Variants in BMPER observed in about 807,000 individuals in gnomAD.
The protein encoded by BMPER is BMP binding endothelial regulator.
BMPER carries 45 observed loss-of-function variants against 87.3 expected under a neutral mutation model. The ratio of observed to expected loss-of-function variants is 0.52; its 90% confidence interval spans 0.41 to 0.66. The LOEUF (loss-of-function observed/expected upper bound fraction) is 0.66, where lower values mean the gene tolerates loss of function less well. Ranked by LOEUF, BMPER falls within the 30% of genes least tolerant of loss-of-function variation. BMPER has a pLI of 0.00. For synonymous variants in BMPER, 326 were observed against 316.2 expected (o/e 1.03, Z -0.33); for missense variants, 784 against 867.5 (o/e 0.90, Z 1.21).
chr7:33,953,601 G>A (rs1375137830), intron 3 of BMPER, among the ~76,000 whole-genome samples: 1 of 152,148 alleles, frequency 6.6e-6, no homozygotes, highest in African/African-American at 2.4e-5. Context: ...AATCCCCAAT[G>A]AGTGAGGCCC....
At chr7:34,031,655 G>A (rs904670052) in intron 6 of BMPER, among the ~76,000 whole-genome samples, 1 of 151,778 alleles carries the variant, frequency 6.6e-6, no homozygotes, top group Admixed American at 6.6e-5. Flanking sequence ...CAAGGACAGT[G>A]AGGTGGGGAA....
intron 14 of BMPER, among the ~76,000 whole-genome samples, chr7:34,151,856 T>C (rs1396030765): frequency 6.6e-6 from 1 of 152,250 alleles, no homozygotes; most frequent in Admixed American, 6.5e-5. Flanking sequence ...ACTTGGTTTT[T>C]GAATAGTAAG....
At chr7:34,003,519 A>G (rs1402354753) in intron 6 of BMPER, among the ~76,000 whole-genome samples, 2 of 152,030 alleles carry the variant, frequency 1.3e-5, no homozygotes, top group Non-Finnish European at 2.9e-5. Flanking sequence ...ATATTTACCT[A>G]TGTAGTCACC....
chr7:34,078,027 C>T (rs568054286), intron 11 of BMPER, among the ~76,000 whole-genome samples: 10 of 152,066 alleles, frequency 6.6e-5, no homozygotes, highest in South Asian at 6.2e-4. Context: ...AACAAACCAA[C>T]GCCAAGATTT....
chr7:33,995,084 T>C (rs1006185371), intron 6 of BMPER, among the ~76,000 whole-genome samples: 14 of 152,208 alleles, frequency 9.2e-5, no homozygotes, highest in African/African-American at 3.4e-4. Context: ...TATGGGAATT[T>C]TTATAAATGC....
chr7:34,132,529 C>T (rs1373557859), intron 13 of BMPER, among the ~76,000 whole-genome samples: 2 of 152,174 alleles, frequency 1.3e-5, no homozygotes, highest in Non-Finnish European at 1.5e-5. Context: ...TTGCACACAG[C>T]GGATATTCTC....
At chr7:34,079,480 A>T (rs1016788767) in intron 12 of BMPER, among the ~76,000 whole-genome samples, 6 of 152,082 alleles carry the variant, frequency 3.9e-5, no homozygotes, top group Admixed American at 3.3e-4. Context: ...TCTGTCTAAA[A>T]ATAGCAGTTG....
chr7:34,033,086 T>C (rs757909352), intron 6 of BMPER, among the ~76,000 whole-genome samples: 37 of 152,138 alleles, frequency 2.4e-4, no homozygotes, highest in Non-Finnish European at 4.3e-4. Flanking sequence ...AAGTATATAA[T>C]ATAAATGGGA....
intron 7 of BMPER, among the ~76,000 whole-genome samples, chr7:34,050,161 T>C (rs1258171155): frequency 6.6e-6 from 1 of 152,208 alleles, no homozygotes; most frequent in East Asian, 1.9e-4. Context: ...GTGCACATAA[T>C]ACCTGCGTTA....
intron 13 of BMPER, among the ~76,000 whole-genome samples, chr7:34,124,094 C>G (rs1020579132): frequency 6.6e-6 from 1 of 152,164 alleles, no homozygotes; most frequent in African/African-American, 2.4e-5. Flanking sequence ...CATAGGCTCT[C>G]AAACATATTT....
Position 34,153,604 on chromosome 7 carries a change from C to A in BMPER, c.*331C>A. The stretch of plus-strand genomic sequence containing the variant: ...CATTGGATAGTGTTAACATCACATA[C>A]ATTTGTCATTTTTAAGGAAGTTTTC... On this transcript the variant is annotated 3_prime_UTR_variant, in exon 15 of 15. Transcript: ENST00000649409. 4.8e-6 allele frequency: 1 copy of A among 207,836 alleles called. No individual in the cohort carries two copies. The highest frequency in any genetic ancestry group is 9.9e-6 in the Non-Finnish European group (1 of 100,872). The allele number at this position is 207,836 out of a possible 1,614,324, so 12.9% of individuals were successfully genotyped here. A position where few individuals can be genotyped will look rare whatever the true frequency, so the allele number is the denominator to read the frequency against.
chr7:34,037,045 A>G (rs1036083225), intron 6 of BMPER, among the ~76,000 whole-genome samples: 3 of 152,024 alleles, frequency 2.0e-5, no homozygotes, highest in African/African-American at 4.8e-5. Context: ...CCCTTTTCAA[A>G]TGGAGTTTAG....
chr7:34,073,133 C>A (rs184170585), intron 11 of BMPER, among the ~76,000 whole-genome samples: 53 of 150,992 alleles, frequency 3.5e-4, no homozygotes, highest in African/African-American at 1.2e-3. Context: ...TTAACTAACT[C>A]ATTCATTCAA....
At chr7:34,109,297 A>G (rs1789900964) in intron 13 of BMPER, among the ~76,000 whole-genome samples, 1 of 152,172 alleles carries the variant, frequency 6.6e-6, no homozygotes, top group Admixed American at 6.5e-5. Flanking sequence ...TCTCTTACTC[A>G]GGGGAGGGTC....
intron 6 of BMPER, among the ~76,000 whole-genome samples, chr7:34,041,371 T>G (rs1787828209): frequency 6.6e-6 from 1 of 152,184 alleles, no homozygotes; most frequent in Non-Finnish European, 1.5e-5. Context: ...TCTCCCCTTG[T>G]CTACTCTGCT....
At chr7:34,077,440 G>A (rs1168490702) in intron 11 of BMPER, among the ~76,000 whole-genome samples, 1 of 152,144 alleles carries the variant, frequency 6.6e-6, no homozygotes, top group African/African-American at 2.4e-5. Context: ...TTCAAAATGT[G>A]TCTCTCCCAC....
At chr7:34,082,365 A>G (rs1320265158) in intron 12 of BMPER, among the ~76,000 whole-genome samples, 2 of 119,496 alleles carry the variant, frequency 1.7e-5, no homozygotes, top group African/African-American at 3.0e-5. Context: ...CACTACTGTA[A>G]TCTACTTTGT....
chr7:33,932,522 G>A (rs763119541), intron 2 of BMPER, among the ~76,000 whole-genome samples: 221 of 152,328 alleles, frequency 1.5e-3, no homozygotes, highest in South Asian at 2.9e-3. Flanking sequence ...TCATCTAGGG[G>A]AAGGGTCTTG....
intron 6 of BMPER, among the ~76,000 whole-genome samples, chr7:34,030,209 C>G (rs550874793): frequency 2.0e-5 from 3 of 152,074 alleles, no homozygotes; most frequent in African/African-American, 7.2e-5. Context: ...AATATATAGA[C>G]TTGTTTAACT....
Sources: gnomAD v4.1 joint callset for allele counts (sites outside exome capture counted in the v4.1 genomes callset) on GRCh38, gnomAD v4.1.1 for gene constraint, MANE v1.5 for transcripts, NCBI Gene and HGNC (gene_info 2026-07-23, HGNC 2026-07-21) for gene names.